The following DTNA variants were observed in gnomAD, a reference collection of about 807,000 sequenced individuals.
The protein encoded by DTNA is dystrobrevin alpha, also known as dystrophin-related protein 3.
DTNA carries 43 observed loss-of-function variants against 100.7 expected under a neutral mutation model. That is an observed-to-expected ratio of 0.43 (90% CI 0.33 to 0.55). The LOEUF is 0.55. Ranked by LOEUF, DTNA falls within the 20% of genes least tolerant of loss-of-function variation. The pLI is 0.04. For synonymous variants in DTNA, 349 were observed against 347.9 expected, an observed-to-expected ratio of 1.00 and a Z score of -0.04; for missense variants, 798 against 953.9, an observed-to-expected ratio of 0.84 and a Z score of 2.15.
chr18:34,883,760 C>T (rs906358431), intron 21 of DTNA, among the ~76,000 whole-genome samples: 1 of 152,074 alleles, frequency 6.6e-6, no homozygotes, highest in Non-Finnish European at 1.5e-5. Context: ...AGGAGGGAAA[C>T]GGAAGCCCAC....
chr18:34,587,148 A>ATT (rs773119244), intron 1 of DTNA, among the ~76,000 whole-genome samples: 1 of 145,500 alleles, frequency 6.9e-6, no homozygotes, highest in African/African-American at 2.5e-5. Context: ...TGCCTGGCTA[A>ATT]TTTTTTTTTT....
chr18:34,538,380 A>G (rs1405523134), intron 1 of DTNA, among the ~76,000 whole-genome samples: 1 of 152,038 alleles, frequency 6.6e-6, no homozygotes, highest in Non-Finnish European at 1.5e-5. Context: ...GCAATCACAG[A>G]TTTCTTAAAA....
intron 3 of DTNA, among the ~76,000 whole-genome samples, chr18:34,788,513 AG>A (rs2094588234): frequency 6.6e-6 from 1 of 152,176 alleles, no homozygotes; most frequent in African/African-American, 2.4e-5. Context: ...GACTTGCCCA[AG>A]GTCATAGGGA....
chr18:34,583,095 A>G (rs1187493297), intron 1 of DTNA, among the ~76,000 whole-genome samples: 2 of 152,216 alleles, frequency 1.3e-5, no homozygotes, highest in Non-Finnish European at 2.9e-5. Flanking sequence ...CCTAGGAAGG[A>G]ATTATTTATA....
chr18:34,536,571 T>C (rs904808673), intron 1 of DTNA, among the ~76,000 whole-genome samples: 5 of 151,976 alleles, frequency 3.3e-5, no homozygotes, highest in African/African-American at 4.8e-5. Flanking sequence ...CTTTTTGTCC[T>C]ATTGAGTTAT....
chr18:34,788,084 T>C (rs1180611813), intron 3 of DTNA, among the ~76,000 whole-genome samples: 3 of 152,218 alleles, frequency 2.0e-5, no homozygotes, highest in Non-Finnish European at 4.4e-5. Context: ...GCAGGTGCTC[T>C]ATTAATGGAC....
At chr18:34,557,696 G>T (rs1177034205) in intron 1 of DTNA, among the ~76,000 whole-genome samples, 5 of 151,710 alleles carry the variant, frequency 3.3e-5, no homozygotes, top group African/African-American at 1.2e-4. Flanking sequence ...TCAGGGGTCA[G>T]GGACCCACTT....
chr18:34,826,216 T>C (rs750316497), intron 9 of DTNA, among the ~76,000 whole-genome samples: 1 of 152,182 alleles, frequency 6.6e-6, no homozygotes, highest in Non-Finnish European at 1.5e-5. Flanking sequence ...GATGAATTTG[T>C]TATTTTTTAT....
intron 1 of DTNA, among the ~76,000 whole-genome samples, chr18:34,726,731 T>C (rs1316587540): frequency 6.6e-6 from 1 of 152,206 alleles, no homozygotes; most frequent in East Asian, 1.9e-4. Flanking sequence ...GTGGCTGCTC[T>C]CCTGGATTGG....
At chr18:34,653,347 A>G (rs1395064976) in intron 1 of DTNA, among the ~76,000 whole-genome samples, 1 of 152,160 alleles carries the variant, frequency 6.6e-6, no homozygotes, top group Non-Finnish European at 1.5e-5. Context: ...TTGCTTATGC[A>G]TTTCCTAGGC....
chr18:34,733,369 G>A (rs982836607), intron 1 of DTNA, among the ~76,000 whole-genome samples: 1 of 152,094 alleles, frequency 6.6e-6, no homozygotes, highest in Non-Finnish European at 1.5e-5. Flanking sequence ...AATGCAGTAG[G>A]CTTCCTATCA....
intron 3 of DTNA, among the ~76,000 whole-genome samples, chr18:34,770,601 T>G (rs1219506302): frequency 6.6e-6 from 1 of 152,148 alleles, no homozygotes; most frequent in Non-Finnish European, 1.5e-5. Context: ...CCCGGGATTC[T>G]AAAAGGACTC....
At chr18:34,547,950 T>G (rs564581535) in intron 1 of DTNA, among the ~76,000 whole-genome samples, 5 of 152,276 alleles carry the variant, frequency 3.3e-5, no homozygotes, top group African/African-American at 1.2e-4. Flanking sequence ...TGGATGCTTT[T>G]GAGATAAATC....
intron 1 of DTNA, among the ~76,000 whole-genome samples, chr18:34,497,532 T>A (rs951840129): frequency 1.3e-5 from 2 of 152,136 alleles, no homozygotes; most frequent in Non-Finnish European, 2.9e-5. Context: ...TGTCACATAG[T>A]TTGAGATGGT....
chr18:34,583,168 A>G (rs1260599158), intron 1 of DTNA, among the ~76,000 whole-genome samples: 1 of 152,240 alleles, frequency 6.6e-6, no homozygotes, highest in Non-Finnish European at 1.5e-5. Context: ...ATAGGGAACA[A>G]CATGTAATGT....
intron 1 of DTNA, among the ~76,000 whole-genome samples, chr18:34,690,442 G>C (rs908145195): frequency 6.6e-6 from 1 of 152,166 alleles, no homozygotes; most frequent in African/African-American, 2.4e-5. Flanking sequence ...CCCTGCTTCG[G>C]CTGGCCCTCT....
intron 11 of DTNA, among the ~76,000 whole-genome samples, chr18:34,832,863 C>T (rs973091011): frequency 2.0e-5 from 3 of 152,116 alleles, no homozygotes; most frequent in East Asian, 1.9e-4. Context: ...GTGATGGCCT[C>T]ATTACTAGAC....
chr18:34,715,678 A>G (rs1461025382), intron 1 of DTNA, among the ~76,000 whole-genome samples: 2 of 152,072 alleles, frequency 1.3e-5, no homozygotes, highest in Non-Finnish European at 2.9e-5. Context: ...CTTATGATAG[A>G]AAAGGATGAC....
At chr18:34,811,418 G>A (rs1026589438) in intron 5 of DTNA, among the ~76,000 whole-genome samples, 1 of 152,100 alleles carries the variant, frequency 6.6e-6, no homozygotes. Context: ...TTCTTCTTCT[G>A]TAGGAAGTTA....
Sources: allele counts gnomAD v4.1 joint callset (sites outside exome capture counted in the v4.1 genomes callset), GRCh38; gene constraint gnomAD v4.1.1; transcripts MANE v1.5; gene names NCBI Gene and HGNC (gene_info 2026-07-23, HGNC 2026-07-21).